ADD1: variants seen among roughly 807,000 people sequenced by gnomAD.
ADD1 encodes the protein alpha-adducin.
In ADD1, 24 loss-of-function variants were observed where a neutral mutation model predicts 80.5. The ratio of observed to expected loss-of-function variants is 0.30; its 90% confidence interval spans 0.22 to 0.42. ADD1 has a LOEUF of 0.42. Among genes scored for constraint, ADD1 ranks in the 10% least tolerant of loss-of-function variants. ADD1 has a pLI of 1.00. For synonymous variants in ADD1, 373 were observed against 393.8 expected, an observed-to-expected ratio of 0.95 and a Z score of 0.63; for missense variants, 948 against 1,019.0, an observed-to-expected ratio of 0.93 and a Z score of 0.95.
chr4:2,896,961 T>C (rs990105203), intron 6 of ADD1, among the ~76,000 whole-genome samples: 3 of 152,122 alleles, frequency 2.0e-5, no homozygotes, highest in African/African-American at 7.2e-5. Flanking sequence ...GGTTTCACCA[T>C]GTTGACCAGG....
At chr4:2,922,353 A>G (rs183877246) in intron 14 of ADD1, among the ~76,000 whole-genome samples, 76 of 152,254 alleles carry the variant, frequency 5.0e-4, no homozygotes, top group African/African-American at 1.7e-3. Flanking sequence ...TGTTGATGCT[A>G]TCCCTTTCTG....
rs181999328 is a variant in ADD1, at chr4:2,905,023, C to A, written c.1421C>A (p.Thr474Lys). The A allele has an allele frequency of 6.2e-7, 1 of 1,614,036 alleles. No individual in the cohort carries two copies. The highest frequency in any genetic ancestry group is 8.5e-7 in the Non-Finnish European group (1 of 1,180,046). The part of the protein sequence containing the change: ...SSPKSKTKVW[T>K]NITHDHVKPL... ...CCCAAGTCGAAGACTAAGGTGTGGACGAACATTACACACGATCACGTGAAA... is the reference window on the plus strand; with the variant it reads ...CCCAAGTCGAAGACTAAGGTGTGGAAGAACATTACACACGATCACGTGAAA... Residue 474 changes from threonine (T) to lysine (K), a missense_variant, in exon 10 of 16, where the codon ACG becomes AAG. Physicochemically the swap from Thr to Lys is moderately conservative, Grantham distance 78. Transcript: ENST00000683351.
Position 2,926,434 on chromosome 4 carries a change from T to C in ADD1, c.2047+322T>C. On this transcript the variant is annotated intron_variant, in intron 15 of 15. Transcript: ENST00000683351. The surrounding 1 kb of genome is among the most constrained non-coding windows in gnomAD (Gnocchi z 5.0). ...GCAGATGCCACCTTCGGAGGTGCCC[T>C]CCGCTGTGTGAGCCACACGCCGGCT... 1 of 693,252 alleles carries C rather than the reference T, an allele frequency of 1.4e-6. No individual in the cohort carries two copies. The highest frequency in any genetic ancestry group is 2.6e-6 in the Non-Finnish European group (1 of 382,938). 42.9% of individuals were successfully genotyped at this position (693,252 alleles called of 1,614,324 possible). A position where few individuals can be genotyped will look rare whatever the true frequency, so the allele number is the denominator to read the frequency against.
intron 8 of ADD1, chr4:2,898,980 A>G (rs767224123): frequency 1.2e-5 from 5 of 430,434 alleles, no homozygotes; most frequent in African/African-American, 4.0e-5. Context: ...TTCTTGACTT[A>G]TGTCTGTGGC....
intron 14 of ADD1, among the ~76,000 whole-genome samples, chr4:2,919,400 T>G (rs889938315): frequency 6.6e-6 from 1 of 152,102 alleles, no homozygotes; most frequent in Non-Finnish European, 1.5e-5. Context: ...TAGTTTCAGA[T>G]GGAATGGTAC....
intron 1 of ADD1, among the ~76,000 whole-genome samples, chr4:2,869,919 A>C (rs1730157573): frequency 6.6e-6 from 1 of 152,220 alleles, no homozygotes; most frequent in South Asian, 2.1e-4. Context: ...CCTTTTTCCC[A>C]CGGAGCAGTA....
At chr4:2,911,567 T>A (rs1738060301) in intron 13 of ADD1, among the ~76,000 whole-genome samples, 2 of 151,158 alleles carry the variant, frequency 1.3e-5, no homozygotes, top group Admixed American at 1.3e-4. Flanking sequence ...CCTCCTCCCA[T>A]CTCAGCCTCC....
At chr4:2,878,187 G>A (rs1204704418) in intron 2 of ADD1, among the ~76,000 whole-genome samples, 1 of 152,176 alleles carries the variant, frequency 6.6e-6, no homozygotes, top group Non-Finnish European at 1.5e-5. Context: ...CAGAATCATT[G>A]GAGGGCTGCA....
At chr4:2,889,119 A>C (rs187504894) in intron 4 of ADD1, among the ~76,000 whole-genome samples, 1 of 152,262 alleles carries the variant, frequency 6.6e-6, no homozygotes, top group Non-Finnish European at 1.5e-5. Flanking sequence ...AACTTAATAT[A>C]AAGTGGTAAT....
At chr4:2,874,335 G>A (rs1049011631) in intron 1 of ADD1, among the ~76,000 whole-genome samples, 5 of 152,204 alleles carry the variant, frequency 3.3e-5, no homozygotes, top group East Asian at 1.9e-4. Context: ...GGCTGGGGGC[G>A]GTGGCTAACG....
Position 2,899,288 on chromosome 4 carries a change from A to G in ADD1, c.1014A>G (p.Pro338=), listed in dbSNP as rs766519017. 19 of 1,613,696 alleles carry G rather than the reference A, an allele frequency of 1.2e-5. No homozygotes were observed. The highest frequency in any genetic ancestry group is 1.6e-5 in the Non-Finnish European group (19 of 1,179,682). The part of the protein sequence containing the change: ...QVRTLASAGG[P]DNLVLLNPEK... ...GAACTCTGGCCAGTGCAGGAGGACC[A>G]GACAACTTAGTCCTGCTGAATCCTG... The change falls in exon 9 of 16, where the codon CCA becomes CCG. Residue 338 remains proline (P), a synonymous_variant. Coordinates refer to ENST00000683351, the MANE Select transcript of ADD1 (RefSeq NM_001354761.2).
At chr4:2,852,992 A>G (rs1416638270) in intron 1 of ADD1, 1 of 152,150 alleles carries the variant, frequency 6.6e-6, no homozygotes, top group Non-Finnish European at 1.5e-5. Context: ...TCTAACCATC[A>G]GAGTTGTTTT....
At chr4:2,875,348 C>T (rs1320317063) in intron 1 of ADD1, among the ~76,000 whole-genome samples, 1 of 152,134 alleles carries the variant, frequency 6.6e-6, no homozygotes. Context: ...TTGCTGGTAC[C>T]TGCCATTGTT....
intron 13 of ADD1, among the ~76,000 whole-genome samples, chr4:2,909,981 A>C (rs533772157): frequency 1.5e-4 from 23 of 150,700 alleles, no homozygotes; most frequent in East Asian, 5.8e-4. Flanking sequence ...AAAAAAAAAA[A>C]AAAACCCTAA....
Position 2,898,460 on chromosome 4 carries a change from G to A in ADD1, c.913G>A (p.Val305Met), listed in dbSNP as rs147521356. ...KVLILRNHGL[V>M]SVGESVEEAF... ...TCTTATTCTCCGGAACCATGGGCTC[G>A]TGTCAGTTGGAGAGAGCGTTGAGGA... Residue 305 changes from valine (V) to methionine (M), a missense_variant, in exon 8 of 16, where the codon GTG becomes ATG. Val to Met is a conservative substitution (Grantham distance 21). Coordinates refer to ENST00000683351, the MANE Select transcript of ADD1 (RefSeq NM_001354761.2). 7.4e-5 allele frequency: 120 copies of A among 1,614,202 alleles called. No homozygotes were observed. Among genetic ancestry groups the A allele is most frequent in the Non-Finnish European group, 9.0e-5 (106 of 1,180,050 alleles).
At chr4:2,891,120 A>AT (rs201643585) in intron 4 of ADD1, among the ~76,000 whole-genome samples, 13 of 146,692 alleles carry the variant, frequency 8.9e-5, no homozygotes, top group Non-Finnish European at 1.7e-4. Flanking sequence ...CCCTGTCTCT[A>AT]TTTTAAAAAA....
chr4:2,844,078 G>GGGGGCGCGGGGAACT (rs1340064122), intron 1 of ADD1, 54 bp downstream of exon 1: 3 of 146,154 alleles, frequency 2.1e-5, no homozygotes, highest in East Asian at 3.9e-4. Context: ...AGGCGGCGGC[G>GGGGGCGCGGGGAACT]GGGGCGCGGG....
intron 1 of ADD1, among the ~76,000 whole-genome samples, chr4:2,845,668 CT>C (rs1267983511): frequency 6.6e-6 from 1 of 152,102 alleles, no homozygotes; most frequent in East Asian, 1.9e-4. Context: ...CATTTTTCCC[CT>C]TAATTCTTTT....
At chr4:2,866,737 C>G (rs142016993) in intron 1 of ADD1, among the ~76,000 whole-genome samples, 1 of 152,116 alleles carries the variant, frequency 6.6e-6, no homozygotes, top group East Asian at 1.9e-4. Flanking sequence ...AGTGAGTAGT[C>G]TTGGATTTAG....
Sources: allele counts gnomAD v4.1 joint callset (sites outside exome capture counted in the v4.1 genomes callset), GRCh38; gene constraint gnomAD v4.1.1; non-coding constraint Gnocchi (gnomAD v3.1); transcripts MANE v1.5; gene names NCBI Gene and HGNC (gene_info 2026-07-23, HGNC 2026-07-21).